Variants in SYNPR observed in about 807,000 individuals in gnomAD.
SYNPR encodes synaptoporin.
In SYNPR, 23 loss-of-function variants were observed where a neutral mutation model predicts 32.9. That is an observed-to-expected ratio of 0.70 (90% CI 0.50 to 0.99). The LOEUF (loss-of-function observed/expected upper bound fraction) is 0.99. SYNPR is among the 50% of genes least tolerant of loss of function. SYNPR has a pLI of 0.00. For synonymous variants in SYNPR, 146 were observed against 135.9 expected (o/e 1.07, Z -0.52); for missense variants, 318 against 349.3 (o/e 0.91, Z 0.71).
intron 2 of SYNPR, among the ~76,000 whole-genome samples, chr3:63,346,831 G>A (rs1204525019): frequency 4.6e-5 from 7 of 152,168 alleles, no homozygotes; most frequent in South Asian, 4.1e-4. Flanking sequence ...ATTTAAGTAG[G>A]ATTAATTGAG....
intron 4 of SYNPR, among the ~76,000 whole-genome samples, chr3:63,597,608 C>A (rs780891781): frequency 2.6e-5 from 4 of 152,094 alleles, no homozygotes; most frequent in Admixed American, 1.3e-4. Context: ...GGATAGGCAA[C>A]CCAAACTTCA....
At chr3:63,561,357 A>G (rs1236487084) in intron 4 of SYNPR, 1 of 152,320 alleles carries the variant, frequency 6.6e-6, no homozygotes, top group Non-Finnish European at 1.5e-5. Flanking sequence ...AGGGAAGCTT[A>G]GAGCAGTTAC....
the SYNPR span, among the ~76,000 whole-genome samples, chr3:63,216,906 G>T: frequency 1.4e-4 from 6 of 42,532 alleles, 1 homozygote; most frequent in African/African-American, 3.2e-4. Flanking sequence ...GTCCTTTCTG[G>T]TTGTTAGTTT....
intron 3 of SYNPR, among the ~76,000 whole-genome samples, chr3:63,514,365 C>T (rs1331150897): frequency 6.6e-6 from 1 of 152,204 alleles, no homozygotes; most frequent in African/African-American, 2.4e-5. Context: ...CTGAAGAAGA[C>T]AGAGCAAGTC....
At chr3:63,408,174 GAAAGAAAGAAAGAAAGAAAGAGGAAGGA>G (rs2088391273) in intron 2 of SYNPR, among the ~76,000 whole-genome samples, 1 of 113,118 alleles carries the variant, frequency 8.8e-6, no homozygotes, top group African/African-American at 3.9e-5. Context: ...AAGAAAGAAA[GAAAGAAAGAAAGAAAGAAAGAGGAAGGA>G]AGGAAGGAAG....
intron 3 of SYNPR, among the ~76,000 whole-genome samples, chr3:63,538,188 G>C (rs572378259): frequency 6.6e-6 from 1 of 152,154 alleles, no homozygotes; most frequent in South Asian, 2.1e-4. Context: ...AAGTATTTAA[G>C]AAGCTGATGG....
chr3:63,551,979 C>A (rs1016907731), intron 3 of SYNPR, among the ~76,000 whole-genome samples: 7 of 152,062 alleles, frequency 4.6e-5, no homozygotes, highest in African/African-American at 1.7e-4. Context: ...CTCGCTGCAA[C>A]CTCTGCCTCC....
Position 63,278,332 on chromosome 3 carries a change from C to G in SYNPR, c.-202C>G. 1 of 634,290 alleles carries G rather than the reference C, an allele frequency of 1.6e-6. No individual in the cohort carries two copies. Among genetic ancestry groups the G allele is most frequent in the Non-Finnish European group, 2.7e-6 (1 of 369,880 alleles). The allele number at this position is 634,290 out of a possible 1,614,324, so 39.3% of individuals were successfully genotyped here. A position where few individuals can be genotyped will look rare whatever the true frequency, so the allele number is the denominator to read the frequency against. Reference sequence around the variant, plus strand: ...CACCCCTCGCTGACTCGCTTCGCTTCCCCGACGCGCTGGGTTCCCGGAGCG... The same window carrying G: ...CACCCCTCGCTGACTCGCTTCGCTTGCCCGACGCGCTGGGTTCCCGGAGCG... On this transcript the variant is annotated 5_prime_UTR_variant, in exon 1 of 6. Transcript: ENST00000478300.
At chr3:63,566,511 G>A (rs192582967) in intron 4 of SYNPR, among the ~76,000 whole-genome samples, 8 of 152,142 alleles carry the variant, frequency 5.3e-5, no homozygotes, top group African/African-American at 1.7e-4. Context: ...TCTTACAGTC[G>A]CTAGGGACAT....
At chr3:63,363,640 G>A (rs76961414) in intron 2 of SYNPR, among the ~76,000 whole-genome samples, 1,583 of 152,290 alleles carry the variant, frequency 0.01, 31 homozygotes, top group African/African-American at 0.036. Context: ...GTCAGATAAA[G>A]AAAGATAACT....
chr3:63,408,738 C>T (rs997208298), intron 2 of SYNPR, among the ~76,000 whole-genome samples: 2 of 152,126 alleles, frequency 1.3e-5, no homozygotes, highest in African/African-American at 2.4e-5. Context: ...ATGGTGCCTG[C>T]TCACATGGGG....
intron 4 of SYNPR, among the ~76,000 whole-genome samples, chr3:63,605,147 T>C (rs773473140): frequency 1.3e-5 from 2 of 152,104 alleles, no homozygotes; most frequent in Non-Finnish European, 2.9e-5. Context: ...CTGTTCCAAA[T>C]TGTGAAAAGT....
intron 3 of SYNPR, among the ~76,000 whole-genome samples, chr3:63,546,918 C>A (rs1702415025): frequency 6.6e-6 from 1 of 152,030 alleles, no homozygotes; most frequent in African/African-American, 2.4e-5. Flanking sequence ...TTGATTCAAC[C>A]AAGGTTAGGA....
At chr3:63,475,284 G>C (rs1203660120) in intron 2 of SYNPR, among the ~76,000 whole-genome samples, 3 of 152,150 alleles carry the variant, frequency 2.0e-5, no homozygotes, top group Admixed American at 6.5e-5. Context: ...AGTGAAATGA[G>C]AGTTCATTGC....
At chr3:63,345,635 A>G (rs886371191) in intron 2 of SYNPR, among the ~76,000 whole-genome samples, 4 of 152,094 alleles carry the variant, frequency 2.6e-5, no homozygotes, top group Non-Finnish European at 5.9e-5. Context: ...CTGGTCTCGC[A>G]TTGGCTGACT....
intron 2 of SYNPR, among the ~76,000 whole-genome samples, chr3:63,469,626 T>C (rs776319704): frequency 5.9e-5 from 9 of 152,236 alleles, no homozygotes; most frequent in African/African-American, 2.2e-4. Context: ...TTGACAAATA[T>C]GAGAGAATTG....
chr3:63,232,665 G>A (rs534863805), intron 1 of SYNPR, among the ~76,000 whole-genome samples: 1 of 152,318 alleles, frequency 6.6e-6, no homozygotes, highest in South Asian at 2.1e-4. Flanking sequence ...GTGCTGTGAA[G>A]TGTAGAGTCC....
chr3:63,520,174 T>C (rs2106770636), intron 3 of SYNPR, among the ~76,000 whole-genome samples: 1 of 152,334 alleles, frequency 6.6e-6, no homozygotes, highest in South Asian at 2.1e-4. Context: ...CTTTAAGCCC[T>C]TTCTTCTCTC....
intron 3 of SYNPR, among the ~76,000 whole-genome samples, chr3:63,501,069 A>G (rs59171567): frequency 0.096 from 14,658 of 152,190 alleles, 1,307 homozygotes; most frequent in African/African-American, 0.23. Context: ...ATTGTAAAAA[A>G]AAATAGCCAT....
Sources: gnomAD v4.1 joint callset for allele counts (sites outside exome capture counted in the v4.1 genomes callset) on GRCh38, gnomAD v4.1.1 for gene constraint, MANE v1.5 for transcripts, NCBI Gene and HGNC (gene_info 2026-07-23, HGNC 2026-07-21) for gene names.